The following RBFOX1 variants were observed in gnomAD, a reference collection of about 807,000 sequenced individuals.
RBFOX1 encodes RNA binding protein fox-1 homolog 1.
Under a neutral mutation model 57.7 loss-of-function variants are expected in RBFOX1, and 8 were observed. The observed-to-expected ratio is 0.14, with a 90% CI of 0.08 to 0.25. The LOEUF is 0.25. RBFOX1 is among the 10% of genes least tolerant of loss of function. The pLI, the probability that RBFOX1 is intolerant of heterozygous loss-of-function variation, is 1.00. For synonymous variants in RBFOX1, 326 were observed against 222.4 expected, an observed-to-expected ratio of 1.47 and a Z score of -4.15; for missense variants, 611 against 548.5, an observed-to-expected ratio of 1.11 and a Z score of -1.14.
chr16:5,957,504 C>T (rs909448699), intron 4 of RBFOX1, among the ~76,000 whole-genome samples: 1 of 152,172 alleles, frequency 6.6e-6, no homozygotes, highest in African/African-American at 2.4e-5. Flanking sequence ...GGATTACAGG[C>T]ATGAGTCGCC....
At chr16:5,298,134 A>T (rs1277683609) in intron 1 of RBFOX1, among the ~76,000 whole-genome samples, 1 of 152,214 alleles carries the variant, frequency 6.6e-6, no homozygotes, top group Non-Finnish European at 1.5e-5. Flanking sequence ...GCCACACCTA[A>T]GTGCCCATTG....
At chr16:6,469,291 G>T (rs983312197) in intron 2 of RBFOX1, among the ~76,000 whole-genome samples, 2 of 152,180 alleles carry the variant, frequency 1.3e-5, no homozygotes, top group African/African-American at 4.8e-5. Flanking sequence ...TCACAAGCCA[G>T]TGACTTTCTC....
In RBFOX1 at chr16:6,019,120, C is replaced by G; in HGVS notation, c.-999C>G. ...GCACACACACACATGCACACATTTT[C>G]TCGCGCTCTCTCCGGCTCTCCTTTG... On this transcript the variant is annotated 5_prime_UTR_variant, in exon 1 of 16. Transcript: ENST00000550418. This position sits in a 1 kb window ranked among gnomAD's most constrained non-coding sequence, Gnocchi z 4.2. 1 of 985,024 alleles carries G rather than the reference C, an allele frequency of 1.0e-6. No individual in the cohort carries two copies. The highest frequency in any genetic ancestry group is 4.7e-5 in the South Asian group (1 of 21,224). 61.0% of individuals were successfully genotyped at this position (985,024 alleles called of 1,614,324 possible).
intron 3 of RBFOX1, among the ~76,000 whole-genome samples, chr16:5,702,548 C>T (rs1020307554): frequency 3.3e-5 from 5 of 152,190 alleles, no homozygotes; most frequent in African/African-American, 9.7e-5. Context: ...AACAACTTTC[C>T]CCTAATAGCC....
chr16:5,467,033 C>G (rs1401181687), intron 1 of RBFOX1, among the ~76,000 whole-genome samples: 1 of 152,070 alleles, frequency 6.6e-6, no homozygotes. Flanking sequence ...TGTTTGTTGT[C>G]AAAAACAGAG....
intron 4 of RBFOX1, among the ~76,000 whole-genome samples, chr16:7,112,378 AT>A (rs5815373): frequency 0.38 from 52,515 of 139,186 alleles, 9,654 homozygotes; most frequent in African/African-American, 0.46. Flanking sequence ...AATTTTTTGT[AT>A]TTTTTTTTTT....
chr16:6,553,908 T>C (rs1338492960), intron 2 of RBFOX1, among the ~76,000 whole-genome samples: 1 of 151,940 alleles, frequency 6.6e-6, no homozygotes. Context: ...TTTGCACAAC[T>C]TTGTACCTAA....
chr16:6,542,250 G>T (rs56381058), intron 2 of RBFOX1, among the ~76,000 whole-genome samples: 1 of 151,748 alleles, frequency 6.6e-6, no homozygotes, highest in African/African-American at 2.4e-5. Context: ...AAATAATCTT[G>T]AGATCTATAA....
intron 3 of RBFOX1, among the ~76,000 whole-genome samples, chr16:6,909,590 G>A (rs769391283): frequency 6.6e-6 from 1 of 152,194 alleles, no homozygotes; most frequent in African/African-American, 2.4e-5. Flanking sequence ...ACCTAGAAGC[G>A]AGGGACATGT....
rs148931511 is a variant in RBFOX1 at position 6,879,399 on chromosome 16, C to G, written c.-15-172658C>G. 5.6e-3 allele frequency among the ~76,000 whole-genome samples: 848 copies of G among 152,250 alleles called. 12 individuals carry two copies. The highest frequency in any genetic ancestry group is 0.019 in the African/African-American group (804 of 41,546). Reference sequence around the variant, plus strand: ...CTGCCCTGTTTATATTTATTGGATGCTCTGGTATGTAATTATTAGAATTTT... The same window carrying G: ...CTGCCCTGTTTATATTTATTGGATGGTCTGGTATGTAATTATTAGAATTTT... On this transcript the variant is annotated intron_variant, in intron 3 of 15. Transcript: ENST00000550418.
chr16:7,503,666 C>G (rs2071767214), intron 4 of RBFOX1, among the ~76,000 whole-genome samples: 1 of 152,174 alleles, frequency 6.6e-6, no homozygotes. Flanking sequence ...TTATGAAAGT[C>G]TGTTCAGGAT....
intron 2 of RBFOX1, among the ~76,000 whole-genome samples, chr16:5,589,575 C>T (rs1234067470): frequency 6.6e-6 from 1 of 152,188 alleles, no homozygotes; most frequent in Non-Finnish European, 1.5e-5. Context: ...CTGTTTAACC[C>T]TCACACTATT....
At chr16:7,567,365 CTA>C (rs56020672) in intron 5 of RBFOX1, among the ~76,000 whole-genome samples, 2 of 98,320 alleles carry the variant, frequency 2.0e-5, no homozygotes, top group Non-Finnish European at 4.3e-5. Context: ...ATATATGGCC[CTA>C]TATATATATC....
chr16:7,291,802 G>T (rs1334272367), intron 4 of RBFOX1, among the ~76,000 whole-genome samples: 1 of 151,132 alleles, frequency 6.6e-6, no homozygotes, highest in Non-Finnish European at 1.5e-5. Flanking sequence ...AGAGTCTGAT[G>T]CAATGGCTTT....
chr16:7,375,661 G>A (rs1158956514), intron 4 of RBFOX1, among the ~76,000 whole-genome samples: 1 of 152,098 alleles, frequency 6.6e-6, no homozygotes, highest in Non-Finnish European at 1.5e-5. Context: ...CATTCTGTGT[G>A]ACAATTCTGT....
chr16:6,287,631 G>T (rs1203986296), intron 1 of RBFOX1, among the ~76,000 whole-genome samples: 3 of 152,084 alleles, frequency 2.0e-5, no homozygotes, highest in Non-Finnish European at 4.4e-5. Context: ...ATCAGAACAG[G>T]AAAGTGAAAA....
chr16:5,893,190 G>A (rs1307804340), intron 4 of RBFOX1, among the ~76,000 whole-genome samples: 1 of 152,180 alleles, frequency 6.6e-6, no homozygotes, highest in Non-Finnish European at 1.5e-5. Flanking sequence ...CCAGAAGTAT[G>A]CTCCTCATCC....
At position 6,241,327 on chromosome 16, in the gene RBFOX1, G is replaced by A. The variant is rs191815297; in HGVS notation, c.-126-75668G>A. 3.1e-4 allele frequency among the ~76,000 whole-genome samples: 47 copies of A among 152,276 alleles called. No homozygotes were observed. The East Asian group carries it at 8.5e-3, about 28-fold the overall frequency. On this transcript the variant is annotated intron_variant, in intron 1 of 15. Coordinates refer to ENST00000550418, the MANE Select transcript of RBFOX1 (RefSeq NM_018723.4). The stretch of plus-strand genomic sequence containing the variant: ...CACAATTCTTGCTGTCCTCATGGGT[G>A]GCAGACGTTTAAAATGTGGAAGATG...
intron 5 of RBFOX1, among the ~76,000 whole-genome samples, chr16:7,544,570 A>G (rs995381964): frequency 1.6e-4 from 25 of 152,168 alleles, no homozygotes; most frequent in African/African-American, 5.8e-4. Context: ...AGGGACACCA[A>G]GGATTGCCAG....
Sources: gnomAD v4.1 joint callset for allele counts (sites outside exome capture counted in the v4.1 genomes callset) on GRCh38, gnomAD v4.1.1 for gene constraint, Gnocchi (gnomAD v3.1) non-coding constraint, MANE v1.5 for transcripts, NCBI Gene and HGNC (gene_info 2026-07-23, HGNC 2026-07-21) for gene names.